HMCN1: variants seen among roughly 807,000 people sequenced by gnomAD.
HMCN1 encodes hemicentin-1.
In HMCN1, 321 loss-of-function variants were observed where a neutral mutation model predicts 625.9. That is an observed-to-expected ratio of 0.51 (90% confidence interval 0.47 to 0.56). HMCN1 has a LOEUF of 0.56. Ranked by LOEUF, HMCN1 falls within the 20% of genes least tolerant of loss-of-function variation. The pLI is 0.00. For synonymous variants in HMCN1, 2,425 were observed against 2,417.6 expected, an observed-to-expected ratio of 1.00 and a Z score of -0.09; for missense variants, 6,588 against 6,887.3, an observed-to-expected ratio of 0.96 and a Z score of 1.54.
chr1:185,858,148 TA>T (rs1228484879), intron 2 of HMCN1, among the ~76,000 whole-genome samples: 2 of 152,240 alleles, frequency 1.3e-5, no homozygotes, highest in Non-Finnish European at 2.9e-5. Flanking sequence ...AAGTGATACT[TA>T]CCTTATCCAT....
intron 1 of HMCN1, among the ~76,000 whole-genome samples, chr1:185,748,689 A>G (rs1452813203): frequency 6.6e-6 from 1 of 152,222 alleles, no homozygotes; most frequent in Non-Finnish European, 1.5e-5. Context: ...ATTATTAGTA[A>G]GTTACTAACT....
At chr1:186,049,409 T>C (rs1161557945) in intron 42 of HMCN1, among the ~76,000 whole-genome samples, 2 of 151,832 alleles carry the variant, frequency 1.3e-5, no homozygotes, top group African/African-American at 4.8e-5. Context: ...GTATTTCACA[T>C]ACTTTAAAAA....
intron 1 of HMCN1, among the ~76,000 whole-genome samples, chr1:185,775,997 T>C (rs1384062280): frequency 1.3e-5 from 2 of 152,222 alleles, no homozygotes; most frequent in Non-Finnish European, 2.9e-5. Context: ...TTACATTGAC[T>C]GTTCTATATG....
chr1:186,159,534 C>T (rs1203515168), intron 97 of HMCN1, among the ~76,000 whole-genome samples: 2 of 152,162 alleles, frequency 1.3e-5, no homozygotes. Flanking sequence ...TTTGTCCATT[C>T]AGTATGGTAT....
chr1:185,769,631 TA>T (rs1192677660), intron 1 of HMCN1, among the ~76,000 whole-genome samples: 7 of 152,162 alleles, frequency 4.6e-5, no homozygotes, highest in African/African-American at 1.7e-4. Context: ...TTCCAAAACT[TA>T]AATGGTGGTT....
chr1:185,889,352 T>C (rs1436825463), intron 4 of HMCN1, among the ~76,000 whole-genome samples: 1 of 146,510 alleles, frequency 6.8e-6, no homozygotes, highest in African/African-American at 2.7e-5. Context: ...CTATGTTGAA[T>C]AGGAGTGGTG....
intron 25 of HMCN1, among the ~76,000 whole-genome samples, chr1:185,998,291 G>A (rs1652943713): frequency 6.6e-6 from 1 of 152,114 alleles, no homozygotes; most frequent in Non-Finnish European, 1.5e-5. Flanking sequence ...GCCCCCACAT[G>A]TGCCTTTTAG....
chr1:185,927,447 G>C (rs761000515), intron 9 of HMCN1, among the ~76,000 whole-genome samples: 18 of 152,152 alleles, frequency 1.2e-4, no homozygotes, highest in African/African-American at 7.2e-5. Flanking sequence ...TAACTAAAGT[G>C]AATTTTCTCA....
intron 4 of HMCN1, among the ~76,000 whole-genome samples, chr1:185,908,479 A>G (rs1666223883): frequency 6.6e-6 from 1 of 152,040 alleles, no homozygotes. Context: ...ATCAAAGGTT[A>G]TCATGACTAA....
At chr1:185,891,649 T>G (rs1665092174) in intron 4 of HMCN1, among the ~76,000 whole-genome samples, 1 of 148,106 alleles carries the variant, frequency 6.8e-6, no homozygotes, top group South Asian at 2.1e-4. Context: ...CCCACTCTCT[T>G]CTGGCTTGTA....
At chr1:186,092,619 G>A (rs1659901082) in intron 64 of HMCN1, among the ~76,000 whole-genome samples, 1 of 149,376 alleles carries the variant, frequency 6.7e-6, no homozygotes, top group Admixed American at 6.7e-5. Flanking sequence ...TTACTATTAT[G>A]TAATTCAAAA....
intron 6 of HMCN1, among the ~76,000 whole-genome samples, chr1:185,921,562 T>TA (rs1241464921): frequency 6.6e-6 from 1 of 152,242 alleles, no homozygotes. Context: ...GTCATTGCTA[T>TA]AATACCTCAA....
chr1:185,905,791 A>G (rs1666067102), intron 4 of HMCN1, among the ~76,000 whole-genome samples: 1 of 151,832 alleles, frequency 6.6e-6, no homozygotes, highest in Non-Finnish European at 1.5e-5. Flanking sequence ...ATGTAAAAAT[A>G]TAACTATTGA....
intron 6 of HMCN1, among the ~76,000 whole-genome samples, chr1:185,917,133 T>C (rs1231046330): frequency 6.6e-6 from 1 of 152,116 alleles, no homozygotes; most frequent in Non-Finnish European, 1.5e-5. Flanking sequence ...GAATCAGCTA[T>C]GATGGGAATA....
chr1:186,101,272 T>C (rs1385348929), intron 68 of HMCN1, among the ~76,000 whole-genome samples: 2 of 152,048 alleles, frequency 1.3e-5, no homozygotes, highest in African/African-American at 2.4e-5. Context: ...TAGGACTTGG[T>C]TGTAGACTGG....
chr1:185,942,694 T>C, intron 11 of HMCN1, among the ~76,000 whole-genome samples: 1 of 151,988 alleles, frequency 6.6e-6, no homozygotes, highest in East Asian at 1.9e-4. Flanking sequence ...CCCAACTGGG[T>C]GTCCATCAAT....
At chr1:186,125,217 A>G (rs1055613523) in intron 81 of HMCN1, among the ~76,000 whole-genome samples, 6 of 152,128 alleles carry the variant, frequency 3.9e-5, no homozygotes, top group Non-Finnish European at 8.8e-5. Flanking sequence ...CATCCTCATA[A>G]TATACAGCAG....
intron 9 of HMCN1, among the ~76,000 whole-genome samples, chr1:185,927,342 T>C (rs1260599069): frequency 6.6e-6 from 1 of 152,176 alleles, no homozygotes; most frequent in East Asian, 1.9e-4. Context: ...ATGATCAGTG[T>C]GGTATGGAGT....
chr1:186,146,464 T>C (rs1353004619), intron 93 of HMCN1, among the ~76,000 whole-genome samples: 1 of 152,180 alleles, frequency 6.6e-6, no homozygotes, highest in Non-Finnish European at 1.5e-5. Context: ...TGGTAGCTAA[T>C]ACTCAATACC....
Sources: gnomAD v4.1 joint callset for allele counts (sites outside exome capture counted in the v4.1 genomes callset) on GRCh38, gnomAD v4.1.1 for gene constraint, MANE v1.5 for transcripts, NCBI Gene and HGNC (gene_info 2026-07-23, HGNC 2026-07-21) for gene names.